The following DZIP3 variants were observed in gnomAD, a reference collection of about 807,000 sequenced individuals.
The protein encoded by DZIP3 is DAZ interacting zinc finger protein 3.
Under a neutral mutation model 162.0 loss-of-function variants are expected in DZIP3, and 118 were observed. The observed-to-expected ratio is 0.73, with a 90% CI of 0.63 to 0.85. The LOEUF (loss-of-function observed/expected upper bound fraction) is 0.85. Among genes scored for constraint, DZIP3 ranks in the 40% least tolerant of loss-of-function variants. The pLI is 0.00. For missense variants in DZIP3, 1,331 were observed against 1,407.0 expected, an observed-to-expected ratio of 0.95 and a Z score of 0.86; for synonymous variants, 438 against 458.6, an observed-to-expected ratio of 0.96 and a Z score of 0.57.
chr3:108,631,682 C>T (rs945770683), intron 8 of DZIP3, among the ~76,000 whole-genome samples: 6 of 146,870 alleles, frequency 4.1e-5, no homozygotes, highest in African/African-American at 1.5e-4. Context: ...CCTTGGCCTC[C>T]AATTTTTTAA....
rs747164803 is a variant in DZIP3, at chr3:108,662,237, T to A, written c.2403T>A (p.Phe801Leu). The change falls in exon 21 of 33, where the codon TTT becomes TTA. Residue 801 changes from phenylalanine to leucine, a missense_variant. This residue lies in a region of DZIP3 where 1,278 missense variants were observed against 1,317.1 expected (regional missense o/e 0.97). Transcript: ENST00000361582. The stretch of plus-strand genomic sequence containing the variant: ...CATCTCTTAATCAACAAGTTGCTTT[T>A]GGAATCAATAAGGTTTCCAAGTAAG... ...IIASLNQQVA[F>L]GINKVSKLQR... The A allele has an allele frequency of 6.3e-7, 1 of 1,596,084 alleles. No individual in the cohort carries two copies. The highest frequency in any genetic ancestry group is 1.4e-5 in the African/African-American group (1 of 73,588).
chr3:108,598,735 AC>A (rs1251416534), intron 1 of DZIP3, among the ~76,000 whole-genome samples: 2 of 152,196 alleles, frequency 1.3e-5, no homozygotes, highest in African/African-American at 4.8e-5. Context: ...TTATCTAACA[AC>A]TATAATGACA....
intron 24 of DZIP3, among the ~76,000 whole-genome samples, chr3:108,674,609 G>A (rs1454563245): frequency 6.6e-6 from 1 of 151,726 alleles, no homozygotes. Flanking sequence ...TTTTCTAATT[G>A]TTTTCCTTTG....
chr3:108,661,637 AT>A (rs376276770), intron 19 of DZIP3, among the ~76,000 whole-genome samples: 2,265 of 152,188 alleles, frequency 0.015, 58 homozygotes, highest in African/African-American at 0.052. Context: ...AAGTATAATA[AT>A]TAAAAAAAAA....
At chr3:108,649,110 CAT>C (rs375230178) in intron 17 of DZIP3, 148 bp downstream of exon 17, 206 of 377,252 alleles carry the variant, frequency 5.5e-4, no homozygotes, top group African/African-American at 4.2e-3. Context: ...GAGAAGTCTA[CAT>C]ATGTTATATC....
At chr3:108,616,731 A>C (rs1941039639) in intron 5 of DZIP3, 74 bp downstream of exon 5, 1 of 1,065,184 alleles carries the variant, frequency 9.4e-7, no homozygotes, top group African/African-American at 1.6e-5. Context: ...CAGCCAATGC[A>C]TGCTTATTTT....
chr3:108,652,306 ACTTC>A (rs955178768), intron 18 of DZIP3, among the ~76,000 whole-genome samples: 2 of 151,786 alleles, frequency 1.3e-5, no homozygotes, highest in Non-Finnish European at 3.0e-5. Context: ...TTTGTTCCAT[ACTTC>A]CTTTGACATT....
intron 19 of DZIP3, among the ~76,000 whole-genome samples, chr3:108,656,409 T>C: frequency 6.6e-6 from 1 of 151,936 alleles, no homozygotes; most frequent in Non-Finnish European, 1.5e-5. Context: ...TCCAGCAAAC[T>C]CCAACAGACC....
chr3:108,631,828 C>T (rs1442562443), intron 8 of DZIP3, among the ~76,000 whole-genome samples: 1 of 151,462 alleles, frequency 6.6e-6, no homozygotes, highest in African/African-American at 2.4e-5. Context: ...CCTGTATCAC[C>T]AGTTTTCTGA....
upstream of DZIP3, chr3:108,589,714 G>GA (rs539184329): frequency 6.8e-4 from 149 of 218,110 alleles, no homozygotes; most frequent in African/African-American, 3.0e-3. Context: ...GGAGAAGGGG[G>GA]ATTCCTCACT....
intron 2 of DZIP3, among the ~76,000 whole-genome samples, chr3:108,607,178 T>TACAAAAAA (rs1940429309): frequency 6.6e-6 from 1 of 152,204 alleles, no homozygotes; most frequent in Non-Finnish European, 1.5e-5. Flanking sequence ...TTGGCATGTG[T>TACAAAAAA]ATATCATCTT....
At chr3:108,620,596 C>T (rs1006774391) in intron 5 of DZIP3, among the ~76,000 whole-genome samples, 1 of 152,216 alleles carries the variant, frequency 6.6e-6, no homozygotes, top group African/African-American at 2.4e-5. Context: ...AAAAATCTCT[C>T]TTATGACTTT....
intron 24 of DZIP3, 26 bp downstream of exon 24, chr3:108,674,207 A>G: frequency 1.9e-6 from 3 of 1,583,876 alleles, no homozygotes; most frequent in South Asian, 1.1e-5. Context: ...TCCTTAATGC[A>G]TCTTAATTTT....
chr3:108,629,200 A>T lies in DZIP3; in HGVS notation c.696+24A>T, dbSNP rs780022905. 3.5e-6 allele frequency: 5 copies of T among 1,433,774 alleles called. No individual in the cohort carries two copies. The South Asian group carries it at 6.4e-5, about 18-fold the overall frequency. 88.8% of individuals were successfully genotyped at this position (1,433,774 alleles called of 1,614,324 possible). A position where few individuals can be genotyped will look rare whatever the true frequency, so the allele number is the denominator to read the frequency against. ...AAGTAAGAAATTATTTAAGAGTAAC[A>T]TTTTATTTGTAACTAATCAGAATAA... On this transcript the variant is annotated intron_variant, in intron 8 of 32. Transcript: ENST00000361582.
intron 25 of DZIP3, 66 bp downstream of exon 25, chr3:108,675,939 A>C: frequency 7.4e-7 from 1 of 1,345,108 alleles, no homozygotes; most frequent in Non-Finnish European, 1.0e-6. Context: ...GTTAGAAGAC[A>C]TATTAGTAGA....
chr3:108,611,160 A>G lies in DZIP3; in HGVS notation c.103-14A>G, dbSNP rs1940683710. 3 of 1,566,184 alleles carry G rather than the reference A, an allele frequency of 1.9e-6. No homozygotes were observed. Among genetic ancestry groups the G allele is most frequent in the Non-Finnish European group, 2.6e-6 (3 of 1,164,146 alleles). ...TGCAAACTGTGTAAATTTTTAATCA[A>G]TAATGTCTTCTAGAACAAACAGGAA... On this transcript the variant is annotated splice_polypyrimidine_tract_variant and intron_variant, in intron 3 of 32. Transcript: ENST00000361582.
intron 19 of DZIP3, among the ~76,000 whole-genome samples, chr3:108,660,777 C>CA (rs1943385235): frequency 1.2e-5 from 1 of 83,248 alleles, no homozygotes; most frequent in Admixed American, 1.5e-4. Context: ...GCAATGAACT[C>CA]AAACAAATTT....
At chr3:108,678,310 G>A (rs896878067) in intron 26 of DZIP3, among the ~76,000 whole-genome samples, 1 of 151,766 alleles carries the variant, frequency 6.6e-6, no homozygotes, top group East Asian at 1.9e-4. Flanking sequence ...TAGAAATAAA[G>A]TGCACAATAA....
chr3:108,655,801 T>C (rs1260208985), intron 19 of DZIP3, among the ~76,000 whole-genome samples: 1 of 152,196 alleles, frequency 6.6e-6, no homozygotes, highest in East Asian at 1.9e-4. Context: ...CCCACCCTAA[T>C]GCTGCGCTTT....
Sources: allele counts gnomAD v4.1 joint callset (sites outside exome capture counted in the v4.1 genomes callset), GRCh38; gene constraint gnomAD v4.1.1; regional missense constraint gnomAD v4.1.1; transcripts MANE v1.5; gene names NCBI Gene and HGNC (gene_info 2026-07-23, HGNC 2026-07-21).